The following ALG1L2 variants were observed in gnomAD, a reference collection of about 807,000 sequenced individuals.
The protein encoded by ALG1L2 is putative glycosyltransferase ALG1L2.
ALG1L2 carries 32 observed loss-of-function variants against 29.0 expected under a neutral mutation model. That is an observed-to-expected ratio of 1.10 (90% CI 0.83 to 1.48). The LOEUF is 1.48. ALG1L2 is among the 40% of genes most tolerant of loss of function. ALG1L2 has a pLI of 0.00. For synonymous variants in ALG1L2, 110 were observed against 109.5 expected (o/e 1.00, Z -0.03); for missense variants, 318 against 274.1 (o/e 1.16, Z -1.13).
chr3:130,086,008 C>A (rs1225443303), intron 1 of ALG1L2, among the ~76,000 whole-genome samples: 2 of 151,470 alleles, frequency 1.3e-5, no homozygotes, highest in African/African-American at 4.8e-5. Context: ...ACGAGGAACA[C>A]TGCTCATTGC....
intron 2 of ALG1L2, 39 bp from the exon 3 acceptor site, chr3:130,092,062 C>T (rs1457881071): frequency 6.2e-7 from 1 of 1,609,190 alleles, no homozygotes; most frequent in Non-Finnish European, 8.5e-7. Context: ...CCTGGGCCTG[C>T]TCTGTGGCCT....
chr3:130,086,124 G>C (rs1934886261), intron 1 of ALG1L2, among the ~76,000 whole-genome samples: 1 of 151,420 alleles, frequency 6.6e-6, no homozygotes, highest in Non-Finnish European at 1.5e-5. Flanking sequence ...ACGCACAGGA[G>C]GCAAACCAAC....
chr3:130,085,633 ATAT>A, intron 1 of ALG1L2, among the ~76,000 whole-genome samples: 2 of 151,476 alleles, frequency 1.3e-5, no homozygotes, highest in Non-Finnish European at 3.0e-5. Flanking sequence ...CTATCTCCAA[ATAT>A]GTCACATTTT....
intron 6 of ALG1L2, among the ~76,000 whole-genome samples, chr3:130,096,522 C>T (rs1408679181): frequency 1.3e-5 from 2 of 152,094 alleles, no homozygotes; most frequent in Non-Finnish European, 2.9e-5. Context: ...GAATTGCCTG[C>T]AGGCTTACAT....
At chr3:130,091,789 C>A in intron 2 of ALG1L2, 2 of 620,062 alleles carry the variant, frequency 3.2e-6, no homozygotes, top group South Asian at 1.5e-5. Context: ...TGAGGTGTGC[C>A]CCTGGGTAAG....
intron 2 of ALG1L2, chr3:130,091,811 T>A: frequency 1.6e-6 from 1 of 638,442 alleles, no homozygotes; most frequent in East Asian, 3.4e-5. Context: ...TGGGGTGGTG[T>A]GGGAGGGCGT....
At chr3:130,084,195 TC>T (rs1934843864) in intron 1 of ALG1L2, among the ~76,000 whole-genome samples, 1 of 150,862 alleles carries the variant, frequency 6.6e-6, no homozygotes, top group South Asian at 2.1e-4. Context: ...GTATGGTGGC[TC>T]ACACCTGTAA....
chr3:130,093,118 C>G lies in ALG1L2; in HGVS notation c.271C>G (p.Leu91Val). 2 of 1,607,874 alleles carry G rather than the reference C, an allele frequency of 1.2e-6. No individual in the cohort carries two copies. The highest frequency in any genetic ancestry group is 1.7e-6 in the Non-Finnish European group (2 of 1,178,114). ...AAACACAGAGTTTGAACAACTGACT[C>G]TTGACGGACAGAACCTTCCTTCTCT... The part of the protein sequence containing the change: ...TSWTEFEQLT[L>V]DGQNLPSLVC... Residue 91 changes from leucine (L) to valine (V), a missense_variant, in exon 4 of 8, where the codon CTT becomes GTT. Leu to Val is a conservative substitution (Grantham distance 32). Transcript: ENST00000425059.
chr3:130,095,147 C>G (rs1935102762), intron 5 of ALG1L2, among the ~76,000 whole-genome samples: 1 of 152,126 alleles, frequency 6.6e-6, no homozygotes, highest in South Asian at 2.1e-4. Context: ...CCCACCTCAG[C>G]CTCCCGAGTA....
intron 5 of ALG1L2, among the ~76,000 whole-genome samples, chr3:130,095,466 G>T (rs533770294): frequency 6.6e-6 from 1 of 150,902 alleles, no homozygotes; most frequent in East Asian, 1.9e-4. Flanking sequence ...ACGGAGTTTC[G>T]CTCCTGTAGC....
intron 3 of ALG1L2, 78 bp from the exon 4 acceptor site, chr3:130,093,023 C>G: frequency 8.0e-7 from 1 of 1,254,790 alleles, no homozygotes; most frequent in South Asian, 1.4e-5. Context: ...GAGCGAGAGT[C>G]TGTCAGAAAA....
chr3:130,095,986 T>C (rs1935122371), intron 5 of ALG1L2, 63 bp from the exon 6 acceptor site: 7 of 1,474,780 alleles, frequency 4.7e-6, no homozygotes, highest in Middle Eastern at 2.4e-4. Context: ...CTCACTGTGC[T>C]GGGAGGATTT....
At chr3:130,092,410 C>A (rs139211905) in intron 3 of ALG1L2, among the ~76,000 whole-genome samples, 188 bp downstream of exon 3, 1 of 152,196 alleles carries the variant, frequency 6.6e-6, no homozygotes, top group Non-Finnish European at 1.5e-5. Flanking sequence ...TCATAGAGGA[C>A]GAAGACTTCT....
chr3:130,084,253 T>C (rs866822606), intron 1 of ALG1L2, among the ~76,000 whole-genome samples: 1 of 149,126 alleles, frequency 6.7e-6, no homozygotes, highest in African/African-American at 2.4e-5. Flanking sequence ...AGGCCAGGAG[T>C]TCAAGATCAG....
chr3:130,091,454 C>G (rs1935011808), intron 2 of ALG1L2, 83 bp downstream of exon 2: 1 of 1,419,776 alleles, frequency 7.0e-7, no homozygotes, highest in Non-Finnish European at 9.6e-7. Context: ...CCTGGGAACC[C>G]ACTCATCCAG....
chr3:130,096,052 C>T lies in ALG1L2; in HGVS notation c.428C>T (p.Ser143Leu), dbSNP rs546499917. ...EGRGLPPLLG[S>L]VDLDVCLDTS... ...CCACACCCCTCTTGCCTAGCAGGGT[C>T]GGTGGACCTGGATGTCTGTCTGGAC... The change falls in exon 6 of 8, where the codon TCG (serine) becomes TTG (leucine). Residue 143 changes from serine to leucine, a missense_variant. Ser to Leu is a moderately radical substitution (Grantham distance 145). Coordinates refer to ENST00000425059, the MANE Select transcript of ALG1L2 (RefSeq NM_001136152.1). 19 of 1,609,406 alleles carry T rather than the reference C, an allele frequency of 1.2e-5. No individual in the cohort carries two copies. The highest frequency in any genetic ancestry group is 4.5e-4 in the Middle Eastern group (2 of 4,450).
rs111967788 is a variant in ALG1L2 at position 130,083,158 on chromosome 3, C to T, written c.20+1122C>T. On this transcript the variant is annotated intron_variant, in intron 1 of 7. Coordinates refer to ENST00000425059, the MANE Select transcript of ALG1L2 (RefSeq NM_001136152.1). ...GTGTGAAAAAGTGAAATAAAAACAG[C>T]TGAATGGCCAGGTGTGGTGCTTCAT... 2.6e-4 allele frequency among the ~76,000 whole-genome samples: 35 copies of T among 133,058 alleles called. 1 individual carries two copies. The South Asian group carries it at 5.9e-3, about 22-fold the overall frequency. The allele number at this position is 133,058 out of a possible 152,430, so 87.3% of individuals were successfully genotyped here.
chr3:130,092,748 T>G (rs912959433), intron 3 of ALG1L2, among the ~76,000 whole-genome samples: 19 of 152,292 alleles, frequency 1.2e-4, no homozygotes, highest in African/African-American at 4.6e-4. Flanking sequence ...AATTTTTTTC[T>G]GAATGGGCAT....
intron 7 of ALG1L2, among the ~76,000 whole-genome samples, chr3:130,097,549 G>A (rs1282039420): frequency 6.6e-6 from 1 of 152,374 alleles, no homozygotes; most frequent in Middle Eastern, 3.4e-3. Context: ...TCAGGATCAG[G>A]TAGTGCGTGG....
Sources: allele counts gnomAD v4.1 joint callset (sites outside exome capture counted in the v4.1 genomes callset), GRCh38; gene constraint gnomAD v4.1.1; transcripts MANE v1.5; gene names NCBI Gene and HGNC (gene_info 2026-07-23, HGNC 2026-07-21).